The following NLRP1 variants were observed in gnomAD, a reference collection of about 807,000 sequenced individuals.
NLRP1 encodes NLR family pyrin domain containing 1.
A neutral mutation model predicts 136.7 loss-of-function variants in NLRP1; 94 were observed. The observed-to-expected ratio is 0.69, with a 90% CI of 0.58 to 0.82. NLRP1 has a LOEUF of 0.82. Ranked by LOEUF, NLRP1 falls within the 40% of genes least tolerant of loss-of-function variation. The probability of loss-of-function intolerance (pLI) is 0.00; values close to 1 mark genes in which losing one functional copy is unlikely to be tolerated. For synonymous variants in NLRP1, 690 were observed against 725.1 expected (o/e 0.95, Z 0.78); for missense variants, 1,575 against 1,802.7 (o/e 0.87, Z 2.29).
chr17:5,519,088 C>T (rs1050956469), intron 14 of NLRP1, among the ~76,000 whole-genome samples: 23 of 151,740 alleles, frequency 1.5e-4, no homozygotes, highest in Admixed American at 1.4e-3. Flanking sequence ...CTGCAACCTC[C>T]GCCTCCCAGG....
At chr17:5,533,211 T>G (rs1910545984) in intron 10 of NLRP1, 93 bp downstream of exon 10, 2 of 1,537,204 alleles carry the variant, frequency 1.3e-6, no homozygotes, top group African/African-American at 2.8e-5. Context: ...CCCACTGGAA[T>G]AGAAGTGCCA....
chr17:5,567,948 T>C lies in NLRP1; in HGVS notation c.653-7905A>G, dbSNP rs117381190. Among the ~76,000 whole-genome samples, 566 of 152,332 alleles carry C rather than the reference T, an allele frequency of 3.7e-3. 21 individuals carry two copies. The East Asian group carries it at 0.085, about 23-fold the overall frequency. On this transcript the variant is annotated intron_variant, in intron 3 of 16. Transcript: ENST00000572272. Reference sequence around the variant, plus strand: ...GGCCAGATGTATTGGAACTCCATAGTATGTTACTTGTTTCTTTTCTCTTGC... The same window carrying C: ...GGCCAGATGTATTGGAACTCCATAGCATGTTACTTGTTTCTTTTCTCTTGC...
In NLRP1 at chr17:5,573,296, A is replaced by G. The variant is rs560091101; in HGVS notation, c.652+8563T>C. 2.0e-5 allele frequency among the ~76,000 whole-genome samples: 3 copies of G among 152,328 alleles called. No individual in the cohort carries two copies. In the East Asian group the frequency reaches 5.8e-4, roughly 29 times the overall value. On this transcript the variant is annotated intron_variant, in intron 3 of 16. Transcript: ENST00000572272. The stretch of plus-strand genomic sequence containing the variant: ...GGGTGCCCACCATTGCTGAGGCTTG[A>G]GTAGGTAAACAAAGCAGCTGGGAAG...
At chr17:5,531,731 C>T (rs1597411500) in intron 11 of NLRP1, among the ~76,000 whole-genome samples, 1 of 152,090 alleles carries the variant, frequency 6.6e-6, no homozygotes, top group East Asian at 1.9e-4. Context: ...TATAAGAGAT[C>T]ATGAGTATGA....
downstream of NLRP1, among the ~76,000 whole-genome samples, chr17:5,510,070 C>CTTTTT (rs749349135): frequency 6.9e-4 from 103 of 148,610 alleles, no homozygotes; most frequent in East Asian, 3.5e-3. Context: ...TATTCTTCTT[C>CTTTTT]TTCTTTTTTT....
intron 3 of NLRP1, among the ~76,000 whole-genome samples, chr17:5,566,196 T>C (rs1450736169): frequency 6.6e-6 from 1 of 152,106 alleles, no homozygotes; most frequent in East Asian, 1.9e-4. Flanking sequence ...TTGTTATTTC[T>C]TTTCATCTAC....
chr17:5,504,016 T>C lies in NLRP1; in HGVS notation c.4070-2144A>G, dbSNP rs1248982043. ...ATTTGCCTCTGGAAGAAAGATACAC[T>C]GTCTGAGTCAATAGGAATCAGAGAT... On this transcript the variant is annotated intron_variant, in intron 15 of 15. Transcript: ENST00000262467. This position sits in a 1 kb window ranked among gnomAD's most constrained non-coding sequence, Gnocchi z 4.4. The C allele has an allele frequency of 6.6e-6, 1 of 152,328 alleles. No individual in the cohort carries two copies. Among genetic ancestry groups the C allele is most frequent in the Admixed American group, 6.5e-5 (1 of 15,286 alleles). 9.4% of individuals were successfully genotyped at this position (152,328 alleles called of 1,614,324 possible).
rs779392816 is a variant in NLRP1, at chr17:5,558,349, T to C, written c.2347A>G (p.Met783Val). Residue 783 changes from methionine (M) to valine (V), a missense_variant, in exon 4 of 17, where the codon ATG (methionine) becomes GTG (valine). Met to Val is a conservative substitution (Grantham distance 21). Coordinates refer to ENST00000572272, the MANE Select transcript of NLRP1 (RefSeq NM_033004.4). The part of the protein sequence containing the change: ...RQHRSTWSPT[M>V]VVLFRWVPVT... ...GGTTTGGGTACTCACAGGACTACCATGGTGGGGCTCCATGTTGATCTGTGC... is the reference window on the plus strand; with the variant it reads ...GGTTTGGGTACTCACAGGACTACCACGGTGGGGCTCCATGTTGATCTGTGC... The C allele has an allele frequency of 3.7e-6, 6 of 1,605,542 alleles. No homozygotes were observed. Among genetic ancestry groups the C allele is most frequent in the Admixed American group, 3.4e-5 (2 of 58,906 alleles).
intron 3 of NLRP1, among the ~76,000 whole-genome samples, chr17:5,579,262 A>G (rs1905328185): frequency 6.6e-6 from 1 of 152,048 alleles, no homozygotes; most frequent in Admixed American, 6.6e-5. Context: ...AAGTATTAAA[A>G]AAAAAAAAAA....
At chr17:5,567,309 T>TTA (rs1342774378) in intron 3 of NLRP1, among the ~76,000 whole-genome samples, 1 of 152,088 alleles carries the variant, frequency 6.6e-6, no homozygotes, top group African/African-American at 2.4e-5. Context: ...TTCTTGATTT[T>TTA]TATTTTTTGT....
rs199641006 is a variant in NLRP1 at position 5,559,055 on chromosome 17, G to A, written c.1641C>T (p.Thr547=). The part of the protein sequence containing the change: ...KEKLTLTSKT[T]TTLCLHYLAQ... ...CAAGGTAATGTAGACAGAGGGTTGT[G>A]GTGGTCTTGGAAGTCAGTGTGAGTT... Residue 547 remains threonine (T), a synonymous_variant, in exon 4 of 17, where the codon ACC becomes ACT. Transcript: ENST00000572272. The A allele has an allele frequency of 7.4e-6, 12 of 1,614,118 alleles. No homozygotes were observed. The highest frequency in any genetic ancestry group is 9.3e-6 in the Non-Finnish European group (11 of 1,180,014).
chr17:5,521,877 T>C lies in NLRP1; in HGVS notation c.3521-91A>G, dbSNP rs199476214. On this transcript the variant is annotated intron_variant, in intron 12 of 16. Coordinates refer to ENST00000572272, the MANE Select transcript of NLRP1 (RefSeq NM_033004.4). ...TTCGCTCTTGTCGCCCAGGCTGGAG[T>C]GCAATGGTACAATCTCGGCTCACTG... 1.4e-5 allele frequency: 18 copies of C among 1,292,796 alleles called. No homozygotes were observed. Among genetic ancestry groups the C allele is most frequent in the Admixed American group, 8.0e-5 (3 of 37,268 alleles). 80.1% of individuals were successfully genotyped at this position (1,292,796 alleles called of 1,614,324 possible). A position where few individuals can be genotyped will look rare whatever the true frequency, so the allele number is the denominator to read the frequency against.
chr17:5,537,083 G>A lies in NLRP1; in HGVS notation c.2871-143C>T. The stretch of plus-strand genomic sequence containing the variant: ...CTGGAAGCCAGGCTCTGAGGAGGAG[G>A]GTACAGTGAGGAGATTCATTAGGGT... On this transcript the variant is annotated intron_variant, in intron 7 of 16. Transcript: ENST00000572272. The surrounding 1 kb of genome is among the most constrained non-coding windows in gnomAD (Gnocchi z 4.5). 1.6e-6 allele frequency: 1 copy of A among 624,148 alleles called. No individual in the cohort carries two copies. The highest frequency in any genetic ancestry group is 2.9e-6 in the Non-Finnish European group (1 of 343,906). The allele number at this position is 624,148 out of a possible 1,614,324, so 38.7% of individuals were successfully genotyped here. A position where few individuals can be genotyped will look rare whatever the true frequency, so the allele number is the denominator to read the frequency against.
chr17:5,544,968 G>A (rs1484126852), intron 5 of NLRP1, among the ~76,000 whole-genome samples: 1 of 152,110 alleles, frequency 6.6e-6, no homozygotes, highest in Non-Finnish European at 1.5e-5. Flanking sequence ...GTGTGTGAGG[G>A]GGAAGGAGGC....
rs139136010 is a variant in NLRP1, at chr17:5,558,728, C to T, written c.1968G>A (p.Thr656=). 36 of 1,614,062 alleles carry T rather than the reference C, an allele frequency of 2.2e-5. No homozygotes were observed. Among genetic ancestry groups the T allele is most frequent in the African/African-American group, 9.3e-5 (7 of 74,916 alleles). ...GGCCATGTATTCCATATGCTTCTAG[C>T]GTCTTTTCCAAATCTATGATGCAAT... ...HSNCIIDLEK[T]LEAYGIHGLF... The change falls in exon 4 of 17, where the codon ACG becomes ACA. Residue 656 remains threonine, a synonymous_variant. Transcript: ENST00000572272.
intron 3 of NLRP1, among the ~76,000 whole-genome samples, chr17:5,563,678 C>G (rs12938208): frequency 0.066 from 10,072 of 152,250 alleles, 429 homozygotes; most frequent in African/African-American, 0.12. Flanking sequence ...CATGAGAAAG[C>G]CAGCAACTTG....
intron 15 of NLRP1, among the ~76,000 whole-genome samples, chr17:5,508,619 A>G (rs1158585877): frequency 2.0e-5 from 3 of 152,266 alleles, no homozygotes; most frequent in African/African-American, 7.2e-5. Context: ...AAGCAAACTC[A>G]ATGTCAGAAC....
intron 3 of NLRP1, among the ~76,000 whole-genome samples, chr17:5,567,484 C>T (rs1915461034): frequency 6.6e-6 from 1 of 151,918 alleles, no homozygotes; most frequent in African/African-American, 2.4e-5. Flanking sequence ...GCTTTTTAAA[C>T]TTTTTGTTGT....
At position 5,532,890 on chromosome 17, in the gene NLRP1, G is replaced by A. The variant is rs139890811; in HGVS notation, c.3228C>T (p.Asp1076=). The A allele has an allele frequency of 6.0e-5, 97 of 1,613,726 alleles. 1 individual carries two copies. Among genetic ancestry groups the A allele is most frequent in the South Asian group, 2.7e-4 (25 of 91,054 alleles). ...GDLHTKPLGT[D]DDFWGPTGPV... ...GCCCCGTGGGGCCCCAGAAGTCATC[G>A]TCAGTCCCCAAAGGCTTCGTATGCA... is the stretch of plus-strand genomic sequence containing the variant. The change falls in exon 11 of 17, where the codon GAC becomes GAT. Residue 1076 remains aspartate (D), a synonymous_variant. Coordinates refer to ENST00000572272, the MANE Select transcript of NLRP1 (RefSeq NM_033004.4).
Sources: gnomAD v4.1 joint callset for allele counts (sites outside exome capture counted in the v4.1 genomes callset) on GRCh38, gnomAD v4.1.1 for gene constraint, Gnocchi (gnomAD v3.1) non-coding constraint, MANE v1.5 for transcripts, NCBI Gene and HGNC (gene_info 2026-07-23, HGNC 2026-07-21) for gene names.